The following LHFPL3 variants were observed in gnomAD, a reference collection of about 807,000 sequenced individuals.
The protein encoded by LHFPL3 is LHFPL tetraspan subfamily member 3, also known as LHFPL tetraspan subfamily member 3 protein.
In LHFPL3, 5 loss-of-function variants were observed where a neutral mutation model predicts 19.3. The observed-to-expected ratio is 0.26, with a 90% CI of 0.14 to 0.54. LHFPL3 has a LOEUF of 0.54. LHFPL3 is among the 20% of genes least tolerant of loss of function. The pLI is 0.94. For synonymous variants in LHFPL3, 133 were observed against 126.2 expected (o/e 1.05, Z -0.36); for missense variants, 249 against 307.4 (o/e 0.81, Z 1.42).
rs1562890946 is a variant in LHFPL3, at chr7:104,417,868, TCTTCTTCTTCTTC to T, written c.445+88645_445+88657del. 2.3e-5 allele frequency among the ~76,000 whole-genome samples: 3 copies of T among 129,434 alleles called. 1 individual carries two copies. The East Asian group carries it at 6.4e-4, about 28-fold the overall frequency. 84.9% of individuals were successfully genotyped at this position (129,434 alleles called of 152,430 possible). A position where few individuals can be genotyped will look rare whatever the true frequency, so the allele number is the denominator to read the frequency against. On this transcript the variant is annotated intron_variant, in intron 1 of 2. Transcript: ENST00000424859. Reference sequence around the variant, plus strand: ...TATTTTCTTTTCTAATTCTTCTTCTTCTTCTTCTTCTTCTTCTTTTTTTTTTTTTTTTGAGATG... The same window carrying T: ...TATTTTCTTTTCTAATTCTTCTTCTTTTCTTTTTTTTTTTTTTTTGAGATG...
At chr7:104,496,403 T>A (rs183871388) in intron 1 of LHFPL3, among the ~76,000 whole-genome samples, 3 of 152,360 alleles carry the variant, frequency 2.0e-5, no homozygotes, top group African/African-American at 7.2e-5. Flanking sequence ...AAGTCTTTGC[T>A]ATTCTGAATA....
At chr7:104,463,917 A>G (rs902911626) in intron 1 of LHFPL3, among the ~76,000 whole-genome samples, 2 of 152,206 alleles carry the variant, frequency 1.3e-5, no homozygotes, top group African/African-American at 4.8e-5. Flanking sequence ...TGCCCTTCCA[A>G]CAGTCCCCTA....
Position 104,890,024 on chromosome 7 carries a change from C to T in LHFPL3, c.683-16163C>T, listed in dbSNP as rs539009945. On this transcript the variant is annotated intron_variant, in intron 2 of 2. Transcript: ENST00000424859. ...TTAGGATAAGGAAACATCTGGCAGGCTTGGTGGCTTGTGCCAGTAATCCCA... is the reference window on the plus strand; with the variant it reads ...TTAGGATAAGGAAACATCTGGCAGGTTTGGTGGCTTGTGCCAGTAATCCCA... 2.0e-4 allele frequency among the ~76,000 whole-genome samples: 31 copies of T among 152,280 alleles called. No homozygotes were observed. In the South Asian group the frequency reaches 6.4e-3, roughly 32 times the overall value.
intron 2 of LHFPL3, among the ~76,000 whole-genome samples, chr7:104,865,124 A>G (rs975699419): frequency 3.9e-5 from 6 of 152,204 alleles, no homozygotes; most frequent in Admixed American, 6.5e-5. Flanking sequence ...AAAGATGGGG[A>G]AAAAACAGCA....
intron 2 of LHFPL3, 107 bp from the exon 3 acceptor site, chr7:104,906,080 T>G: frequency 9.7e-7 from 1 of 1,026,882 alleles, no homozygotes; most frequent in Non-Finnish European, 1.5e-6. Flanking sequence ...TTCATTGGTA[T>G]AGTTTTTCCG....
intron 1 of LHFPL3, among the ~76,000 whole-genome samples, chr7:104,582,113 G>A (rs1260265970): frequency 2.6e-5 from 4 of 151,890 alleles, no homozygotes; most frequent in Non-Finnish European, 5.9e-5. Context: ...TTTATTTAGT[G>A]TTCTTGAATT....
chr7:104,679,719 T>C (rs566295981), intron 1 of LHFPL3, among the ~76,000 whole-genome samples: 2 of 152,190 alleles, frequency 1.3e-5, no homozygotes, highest in African/African-American at 4.8e-5. Context: ...CCTGACACTT[T>C]TTTGCCACTG....
intron 1 of LHFPL3, among the ~76,000 whole-genome samples, chr7:104,360,735 GTGTGTGTA>G (rs1406217427): frequency 1.1e-4 from 12 of 112,720 alleles, no homozygotes; most frequent in African/African-American, 4.5e-4. Flanking sequence ...GTGTGTGTGT[GTGTGTGTA>G]TACATTTACA....
intron 1 of LHFPL3, among the ~76,000 whole-genome samples, chr7:104,351,950 A>G (rs1010893622): frequency 1.3e-5 from 2 of 152,126 alleles, no homozygotes; most frequent in Non-Finnish European, 2.9e-5. Context: ...TGTAACCCCA[A>G]AGCTTTGGGA....
intron 1 of LHFPL3, chr7:104,668,190 G>T: frequency 1.2e-6 from 2 of 1,613,796 alleles, no homozygotes; most frequent in South Asian, 2.2e-5. Flanking sequence ...TGAGGACCTG[G>T]ATTCCCTGCT....
chr7:104,453,155 CAT>C (rs57483114), intron 1 of LHFPL3, among the ~76,000 whole-genome samples: 3,805 of 152,132 alleles, frequency 0.025, 154 homozygotes, highest in African/African-American at 0.087. Context: ...AAATAAAAAT[CAT>C]ACTAGACCAA....
intron 1 of LHFPL3, among the ~76,000 whole-genome samples, chr7:104,370,907 A>G (rs1790601409): frequency 6.6e-6 from 1 of 152,232 alleles, no homozygotes; most frequent in South Asian, 2.1e-4. Flanking sequence ...ATATTGAGGC[A>G]GAGAAAAGTT....
chr7:104,387,565 A>G (rs1425634284), intron 1 of LHFPL3, among the ~76,000 whole-genome samples: 1 of 152,178 alleles, frequency 6.6e-6, no homozygotes, highest in Non-Finnish European at 1.5e-5. Flanking sequence ...ACTTGTGGAC[A>G]TCATCAAGCA....
chr7:104,577,318 A>G (rs1162977016), intron 1 of LHFPL3, among the ~76,000 whole-genome samples: 1 of 152,174 alleles, frequency 6.6e-6, no homozygotes, highest in Non-Finnish European at 1.5e-5. Context: ...AGGTGAGGGC[A>G]TGGGAGAATG....
At chr7:104,856,321 G>A (rs1791506101) in intron 2 of LHFPL3, among the ~76,000 whole-genome samples, 1 of 140,756 alleles carries the variant, frequency 7.1e-6, no homozygotes, top group African/African-American at 2.7e-5. Flanking sequence ...CGCCATCTTG[G>A]CTCACCACAA....
intron 2 of LHFPL3, among the ~76,000 whole-genome samples, chr7:104,843,531 C>T (rs190069859): frequency 1.6e-4 from 25 of 152,340 alleles, no homozygotes; most frequent in Non-Finnish European, 1.5e-5. Flanking sequence ...TTTCATTTCT[C>T]ATTTGAAATG....
At chr7:104,372,546 A>G (rs1466867481) in intron 1 of LHFPL3, among the ~76,000 whole-genome samples, 2 of 152,122 alleles carry the variant, frequency 1.3e-5, no homozygotes, top group South Asian at 2.1e-4. Flanking sequence ...TGTGGAGGAG[A>G]AGCTCTGATC....
intron 1 of LHFPL3, among the ~76,000 whole-genome samples, chr7:104,503,759 G>A (rs1475503625): frequency 6.6e-6 from 1 of 151,918 alleles, no homozygotes; most frequent in African/African-American, 2.4e-5. Flanking sequence ...TGGTAGATAT[G>A]GGGTTTTGCC....
At chr7:104,539,651 G>T (rs1794449485) in intron 1 of LHFPL3, among the ~76,000 whole-genome samples, 1 of 152,084 alleles carries the variant, frequency 6.6e-6, no homozygotes. Context: ...CCAAATGCTG[G>T]TCCATAATGA....
Sources: allele counts gnomAD v4.1 joint callset (sites outside exome capture counted in the v4.1 genomes callset), GRCh38; gene constraint gnomAD v4.1.1; transcripts MANE v1.5; gene names NCBI Gene and HGNC (gene_info 2026-07-23, HGNC 2026-07-21).